PTPRN2: variants seen among roughly 807,000 people sequenced by gnomAD.
PTPRN2 encodes the protein protein tyrosine phosphatase receptor type N2.
Under a neutral mutation model 118.8 loss-of-function variants are expected in PTPRN2, and 74 were observed. That is an observed-to-expected ratio of 0.62 (90% CI 0.52 to 0.76). The LOEUF is 0.76. PTPRN2 is among the 30% of genes least tolerant of loss of function. The probability of loss-of-function intolerance (pLI) is 0.00; values close to 1 mark genes in which losing one functional copy is unlikely to be tolerated. For synonymous variants in PTPRN2, 641 were observed against 608.0 expected, an observed-to-expected ratio of 1.05 and a Z score of -0.80; for missense variants, 1,481 against 1,394.4, an observed-to-expected ratio of 1.06 and a Z score of -0.99.
intron 12 of PTPRN2, among the ~76,000 whole-genome samples, chr7:157,867,951 C>A (rs1810814553): frequency 6.6e-6 from 1 of 152,184 alleles, no homozygotes; most frequent in Non-Finnish European, 1.5e-5. Context: ...ACTGGGGGCA[C>A]CGTGCCTGCG....
At chr7:158,425,966 CCG>C (rs147611740) in intron 2 of PTPRN2, among the ~76,000 whole-genome samples, 134 of 112,326 alleles carry the variant, frequency 1.2e-3, no homozygotes, top group Non-Finnish European at 7.7e-4. Context: ...GACGCAGAGT[CCG>C]AGACCAGCCT....
At chr7:158,164,374 G>GC (rs1822707062) in intron 6 of PTPRN2, among the ~76,000 whole-genome samples, 2 of 36,708 alleles carry the variant, frequency 5.4e-5, no homozygotes, top group African/African-American at 1.2e-4. Context: ...CAGAGCAGGA[G>GC]GGTGCGTAGG....
intron 12 of PTPRN2, among the ~76,000 whole-genome samples, chr7:157,883,745 C>T (rs1030654421): frequency 2.0e-5 from 3 of 147,650 alleles, no homozygotes; most frequent in Non-Finnish European, 4.4e-5. Context: ...GAACACACCA[C>T]CCCAAAAATG....
chr7:158,492,728 ATTTCAT>A (rs1237712788), intron 1 of PTPRN2, among the ~76,000 whole-genome samples: 3 of 152,250 alleles, frequency 2.0e-5, no homozygotes, highest in African/African-American at 7.2e-5. Flanking sequence ...GAAAGAGCAA[ATTTCAT>A]TTTAAGTATC....
intron 11 of PTPRN2, among the ~76,000 whole-genome samples, chr7:158,071,598 CTGGTGGAGGTGCTCGTGGTGGAGGTGCT>C (rs1811729898): frequency 1.3e-4 from 1 of 7,448 alleles, no homozygotes. Context: ...GGAGGTGCTC[CTGGTGGAGGTGCTCGTGGTGGAGGTGCT>C]CGTGGTGGTG....
At chr7:157,848,290 A>T (rs1809020225) in intron 12 of PTPRN2, among the ~76,000 whole-genome samples, 1 of 146,006 alleles carries the variant, frequency 6.8e-6, no homozygotes, top group Non-Finnish European at 1.5e-5. Context: ...GCCCTCTCTC[A>T]TTACATCGTG....
At chr7:157,697,437 A>G (rs1476831643) in intron 12 of PTPRN2, among the ~76,000 whole-genome samples, 3 of 112,146 alleles carry the variant, frequency 2.7e-5, no homozygotes, top group Admixed American at 8.7e-5. Flanking sequence ...AGCCCTCACC[A>G]TCTACCCATG....
chr7:158,519,212 C>G lies in PTPRN2; in HGVS notation c.113-29427G>C, dbSNP rs551235749. Among the ~76,000 whole-genome samples the G allele has an allele frequency of 3.3e-5, 5 of 152,256 alleles. No homozygotes were observed. The South Asian group carries it at 1.0e-3, about 32-fold the overall frequency. On this transcript the variant is annotated intron_variant, in intron 1 of 22. Transcript: ENST00000389418. ...TCAAACTTTGGGGCTATTTTGGCAT[C>G]TAAGTGGGAAGAGGGAGAAAACATT...
At chr7:158,054,534 C>T (rs1265080809) in intron 11 of PTPRN2, among the ~76,000 whole-genome samples, 1 of 152,258 alleles carries the variant, frequency 6.6e-6, no homozygotes, top group Non-Finnish European at 1.5e-5. Flanking sequence ...GTTGATTATT[C>T]ATGCAACGAA....
chr7:158,280,617 C>T (rs970917553), intron 3 of PTPRN2, among the ~76,000 whole-genome samples: 2 of 152,206 alleles, frequency 1.3e-5, no homozygotes, highest in African/African-American at 4.8e-5. Context: ...AAGGAGGAGC[C>T]GAGAGAGCCT....
At chr7:158,039,143 C>T (rs1808281764) in intron 11 of PTPRN2, among the ~76,000 whole-genome samples, 1 of 152,122 alleles carries the variant, frequency 6.6e-6, no homozygotes, top group African/African-American at 2.4e-5. Flanking sequence ...TAATACCATG[C>T]CATAGTTACA....
intron 18 of PTPRN2, 87 bp downstream of exon 18, chr7:157,577,934 G>C (rs1314368124): frequency 1.7e-5 from 25 of 1,432,720 alleles, no homozygotes; most frequent in Admixed American, 2.2e-5. Context: ...GCCCTGGGGG[G>C]CCCTAACGAA....
chr7:158,242,775 G>A (rs1264577964), intron 3 of PTPRN2, among the ~76,000 whole-genome samples: 1 of 152,134 alleles, frequency 6.6e-6, no homozygotes, highest in East Asian at 1.9e-4. Context: ...TGTCTAGGAA[G>A]GGCTCCATTT....
intron 12 of PTPRN2, among the ~76,000 whole-genome samples, chr7:157,746,025 C>T (rs1415091136): frequency 2.0e-5 from 3 of 151,134 alleles, no homozygotes; most frequent in African/African-American, 7.3e-5. Context: ...TCCCTGCACC[C>T]CACAGTCCTC....
chr7:158,455,276 C>G (rs1818388928), intron 2 of PTPRN2, among the ~76,000 whole-genome samples: 2 of 107,556 alleles, frequency 1.9e-5, no homozygotes, highest in Non-Finnish European at 3.8e-5. Flanking sequence ...CCACGGCCAC[C>G]CATCGCTCTG....
At chr7:157,806,590 A>G (rs1217443265) in intron 12 of PTPRN2, among the ~76,000 whole-genome samples, 2 of 152,146 alleles carry the variant, frequency 1.3e-5, no homozygotes, top group East Asian at 3.9e-4. Flanking sequence ...ATGCGTGTAC[A>G]TCTGTGTGCC....
chr7:158,292,882 A>T (rs1019232532), intron 3 of PTPRN2, among the ~76,000 whole-genome samples: 8 of 152,116 alleles, frequency 5.3e-5, no homozygotes, highest in African/African-American at 1.9e-4. Context: ...AGCCTGGCCA[A>T]CATGGTGAAA....
chr7:158,011,086 A>G (rs10229869), intron 11 of PTPRN2, among the ~76,000 whole-genome samples: 128,563 of 152,048 alleles, frequency 0.85, 54,428 homozygotes, highest in East Asian at 0.88. Flanking sequence ...ACAAAGGTGT[A>G]CAAATGACAG....
chr7:158,151,136 T>C lies in PTPRN2; in HGVS notation c.911-12621A>G, dbSNP rs994808459. 3.2e-4 allele frequency among the ~76,000 whole-genome samples: 26 copies of C among 80,606 alleles called. 2 individuals carry two copies. The highest frequency in any genetic ancestry group is 5.2e-4 in the South Asian group (1 of 1,936). 52.9% of individuals were successfully genotyped at this position (80,606 alleles called of 152,430 possible). ...CCTACCCCTGCCCACACCGCCCGCC[T>C]TTCTATTCCTGCCTCTCCCTGCCCA... On this transcript the variant is annotated intron_variant, in intron 6 of 22. Coordinates refer to ENST00000389418, the MANE Select transcript of PTPRN2 (RefSeq NM_002847.5).
Sources: allele counts gnomAD v4.1 joint callset (sites outside exome capture counted in the v4.1 genomes callset), GRCh38; gene constraint gnomAD v4.1.1; transcripts MANE v1.5; gene names NCBI Gene and HGNC (gene_info 2026-07-23, HGNC 2026-07-21).